The following EFCAB6 variants were observed in gnomAD, a reference collection of about 807,000 sequenced individuals.
The protein encoded by EFCAB6 is EF-hand calcium-binding domain-containing protein 6.
Under a neutral mutation model 169.8 loss-of-function variants are expected in EFCAB6, and 156 were observed. The observed-to-expected ratio is 0.92, with a 90% CI of 0.81 to 1.05. The LOEUF (loss-of-function observed/expected upper bound fraction) is 1.05, where lower values mean the gene tolerates loss of function less well. Among genes scored for constraint, EFCAB6 ranks in the 50% least tolerant of loss-of-function variants. The probability of loss-of-function intolerance (pLI) is 0.00; values close to 1 mark genes in which losing one functional copy is unlikely to be tolerated. For missense variants in EFCAB6, 1,800 were observed against 1,829.1 expected (o/e 0.98, Z 0.29); for synonymous variants, 698 against 676.4 (o/e 1.03, Z -0.50).
intron 4 of EFCAB6, among the ~76,000 whole-genome samples, chr22:43,769,180 T>C (rs2061399703): frequency 6.6e-6 from 1 of 152,212 alleles, no homozygotes; most frequent in African/African-American, 2.4e-5. Flanking sequence ...AGGAATGAGG[T>C]ACAAATTCAT....
intron 4 of EFCAB6, among the ~76,000 whole-genome samples, chr22:43,766,913 G>A (rs1321427079): frequency 6.6e-6 from 1 of 151,984 alleles, no homozygotes; most frequent in African/African-American, 2.4e-5. Context: ...AGGCTAGAGT[G>A]CAGTGGCACA....
intron 10 of EFCAB6, among the ~76,000 whole-genome samples, chr22:43,697,546 G>T (rs2058621094): frequency 6.6e-6 from 1 of 151,948 alleles, no homozygotes; most frequent in Non-Finnish European, 1.5e-5. Context: ...AGTTTCCATG[G>T]CTTTTATAAT....
intron 2 of EFCAB6, among the ~76,000 whole-genome samples, chr22:43,789,696 C>G (rs571149962): frequency 1.3e-5 from 2 of 152,234 alleles, no homozygotes; most frequent in South Asian, 4.2e-4. Context: ...AGGAGTTTGG[C>G]TTATTAGTGT....
chr22:43,717,577 A>G (rs924677808), intron 8 of EFCAB6, among the ~76,000 whole-genome samples: 2 of 152,166 alleles, frequency 1.3e-5, no homozygotes, highest in Non-Finnish European at 2.9e-5. Flanking sequence ...AAAGCATCCA[A>G]TAAATGTATG....
Position 43,537,473 on chromosome 22 carries a change from G to A in EFCAB6, c.3952C>T (p.Arg1318Trp), listed in dbSNP as rs780953195. ...CGCCAGCAGCCCTGGATTCTCTTCC[G>A]GAGCCTGCTCTCTATGGGATCACAG... is the stretch of plus-strand genomic sequence containing the variant. Reference protein sequence around the residue: ...QNCDPIESRLRKRIQGCWRQL... With the variant: ...QNCDPIESRLWKRIQGCWRQL... Residue 1318 changes from arginine (R) to tryptophan (W), a missense_variant, in exon 29 of 32, where the codon CGG (arginine) becomes TGG (tryptophan). Transcript: ENST00000262726. This position sits in a 1 kb window ranked among gnomAD's most constrained non-coding sequence, Gnocchi z 4.3. The A allele has an allele frequency of 1.3e-5, 21 of 1,613,920 alleles. No homozygotes were observed. Among genetic ancestry groups the A allele is most frequent in the Admixed American group, 8.3e-5 (5 of 59,998 alleles).
intron 6 of EFCAB6, among the ~76,000 whole-genome samples, chr22:43,740,569 C>T (rs1041729720): frequency 2.0e-5 from 3 of 152,198 alleles, no homozygotes; most frequent in African/African-American, 7.2e-5. Flanking sequence ...ACGAACTGAA[C>T]GGATGTCTGT....
At chr22:43,638,215 A>G (rs1333073814) in intron 17 of EFCAB6, among the ~76,000 whole-genome samples, 1 of 152,254 alleles carries the variant, frequency 6.6e-6, no homozygotes, top group African/African-American at 2.4e-5. Context: ...TGAACACAGC[A>G]GCAAATCAAC....
At chr22:43,571,953 G>A (rs1244926824) in intron 26 of EFCAB6, among the ~76,000 whole-genome samples, 1 of 152,154 alleles carries the variant, frequency 6.6e-6, no homozygotes, top group Non-Finnish European at 1.5e-5. Context: ...CTGAGCTCAG[G>A]TGTTAGCTTC....
At chr22:43,571,058 G>C (rs1012355283) in intron 26 of EFCAB6, among the ~76,000 whole-genome samples, 1 of 152,214 alleles carries the variant, frequency 6.6e-6, no homozygotes, top group South Asian at 2.1e-4. Context: ...ACACAGCAGG[G>C]GCAGGAAGCC....
At chr22:43,712,544 T>C (rs1469194099) in intron 9 of EFCAB6, among the ~76,000 whole-genome samples, 2 of 152,198 alleles carry the variant, frequency 1.3e-5, no homozygotes, top group Non-Finnish European at 2.9e-5. Flanking sequence ...AATAAAAATA[T>C]TTAGAGATAT....
chr22:43,717,470 A>G (rs1569434543), intron 8 of EFCAB6, among the ~76,000 whole-genome samples: 1 of 152,090 alleles, frequency 6.6e-6, no homozygotes, highest in Non-Finnish European at 1.5e-5. Flanking sequence ...TTTTCATAAT[A>G]TATGAGTAGC....
intron 20 of EFCAB6, among the ~76,000 whole-genome samples, chr22:43,623,325 T>C (rs190414061): frequency 6.6e-5 from 10 of 152,198 alleles, no homozygotes; most frequent in African/African-American, 2.4e-4. Flanking sequence ...AGTGGATAAA[T>C]GGTCAAGGCA....
chr22:43,629,530 C>T (rs925339022), intron 19 of EFCAB6, among the ~76,000 whole-genome samples: 5 of 152,212 alleles, frequency 3.3e-5, no homozygotes, highest in Non-Finnish European at 5.9e-5. Flanking sequence ...TGCATTGTGG[C>T]AGGCACTGTG....
At chr22:43,758,297 A>G (rs1356084906) in intron 5 of EFCAB6, among the ~76,000 whole-genome samples, 3 of 152,008 alleles carry the variant, frequency 2.0e-5, no homozygotes, top group Admixed American at 1.3e-4. Flanking sequence ...TGTGTTCTCT[A>G]TTTGTAGTAT....
At chr22:43,591,272 A>G (rs1223501249) in intron 23 of EFCAB6, among the ~76,000 whole-genome samples, 4 of 151,338 alleles carry the variant, frequency 2.6e-5, no homozygotes, top group South Asian at 4.2e-4. Flanking sequence ...CCTGGCCAAC[A>G]TGGTGAAACC....
chr22:43,561,931 A>G (rs2049062983), intron 26 of EFCAB6, among the ~76,000 whole-genome samples: 1 of 152,202 alleles, frequency 6.6e-6, no homozygotes, highest in African/African-American at 2.4e-5. Context: ...CTGCAACAGG[A>G]AGAGCAGGGC....
At chr22:43,764,824 A>G (rs1360108504) in intron 5 of EFCAB6, among the ~76,000 whole-genome samples, 1 of 152,232 alleles carries the variant, frequency 6.6e-6, no homozygotes, top group Non-Finnish European at 1.5e-5. Context: ...TGTTGCAAAA[A>G]AAAAAGAGTC....
At chr22:43,775,145 G>A (rs1437173684) in intron 3 of EFCAB6, among the ~76,000 whole-genome samples, 1 of 152,128 alleles carries the variant, frequency 6.6e-6, no homozygotes, top group Non-Finnish European at 1.5e-5. Flanking sequence ...GAGGGGCCAG[G>A]TGAGGGATGG....
chr22:43,547,610 TA>T, intron 27 of EFCAB6, among the ~76,000 whole-genome samples: 1 of 151,408 alleles, frequency 6.6e-6, no homozygotes, highest in South Asian at 2.1e-4. Context: ...CAACAAACCA[TA>T]AAAATAAGCT....
Sources: gnomAD v4.1 joint callset for allele counts (sites outside exome capture counted in the v4.1 genomes callset) on GRCh38, gnomAD v4.1.1 for gene constraint, Gnocchi (gnomAD v3.1) non-coding constraint, MANE v1.5 for transcripts, NCBI Gene and HGNC (gene_info 2026-07-23, HGNC 2026-07-21) for gene names.